Variants in PPP2R2A observed in about 807,000 individuals in gnomAD.
The protein encoded by PPP2R2A is serine/threonine-protein phosphatase 2A 55 kDa regulatory subunit B alpha isoform.
A neutral mutation model predicts 53.2 loss-of-function variants in PPP2R2A; 9 were observed. The observed-to-expected ratio is 0.17, with a 90% confidence interval of 0.10 to 0.30. The LOEUF is 0.30. Among genes scored for constraint, PPP2R2A ranks in the 10% least tolerant of loss-of-function variants. The pLI is 1.00. For missense variants in PPP2R2A, 235 were observed against 534.6 expected (o/e 0.44, Z 5.53); for synonymous variants, 169 against 174.2 (o/e 0.97, Z 0.23).
chr8:26,342,344 A>G (rs1401563084), intron 3 of PPP2R2A, among the ~76,000 whole-genome samples: 6 of 152,222 alleles, frequency 3.9e-5, no homozygotes, highest in Non-Finnish European at 1.5e-5. Flanking sequence ...AGTAAATGAT[A>G]GGGTATATTC....
intron 2 of PPP2R2A, among the ~76,000 whole-genome samples, chr8:26,323,977 A>G (rs961486322): frequency 6.6e-6 from 1 of 152,206 alleles, no homozygotes; most frequent in Non-Finnish European, 1.5e-5. Context: ...GAACCTCTCC[A>G]GTGTCTTATC....
At chr8:26,292,022 G>T in intron 1 of PPP2R2A, 196 bp downstream of exon 1, 7 of 1,215,218 alleles carry the variant, frequency 5.8e-6, no homozygotes, top group Non-Finnish European at 7.4e-6. Flanking sequence ...GAGTCACTGG[G>T]CTTGGAGAAC....
intron 2 of PPP2R2A, among the ~76,000 whole-genome samples, chr8:26,337,079 A>C (rs1585375721): frequency 6.6e-6 from 1 of 152,262 alleles, no homozygotes; most frequent in South Asian, 2.1e-4. Flanking sequence ...AGATAAAATA[A>C]GTAATGGGCA....
rs528225931 is a variant in PPP2R2A at position 26,370,066 on chromosome 8, G to A, written c.1065-68G>A. The A allele has an allele frequency of 1.2e-5, 18 of 1,508,622 alleles. No homozygotes were observed. The highest frequency in any genetic ancestry group is 2.3e-5 in the East Asian group (1 of 43,856). The allele number at this position is 1,508,622 out of a possible 1,614,324, so 93.5% of individuals were successfully genotyped here. ...AGTAGCTTCCTATGGTTTAATTGCC[G>A]AATCATTTTACTTGAAAACAATTTC... On this transcript the variant is annotated intron_variant, in intron 9 of 9. Coordinates refer to ENST00000380737, the MANE Select transcript of PPP2R2A (RefSeq NM_002717.4). The surrounding 1 kb of genome is among the most constrained non-coding windows in gnomAD (Gnocchi z 6.1).
intron 2 of PPP2R2A, among the ~76,000 whole-genome samples, chr8:26,294,813 T>C (rs1801474232): frequency 6.6e-6 from 1 of 152,208 alleles, no homozygotes; most frequent in African/African-American, 2.4e-5. Context: ...TGGTGAATCC[T>C]ATGGCAAGCC....
At chr8:26,331,809 G>T (rs987105416) in intron 2 of PPP2R2A, among the ~76,000 whole-genome samples, 1 of 152,150 alleles carries the variant, frequency 6.6e-6, no homozygotes, top group African/African-American at 2.4e-5. Context: ...CAAACTTCAT[G>T]ATTATCTTAA....
At chr8:26,293,135 C>T (rs763622498) in intron 1 of PPP2R2A, 104 of 1,157,138 alleles carry the variant, frequency 9.0e-5, no homozygotes, top group Non-Finnish European at 1.3e-4. Flanking sequence ...TCCTCTCTGT[C>T]TGGAGCCAGT....
At position 26,360,661 on chromosome 8, in the gene PPP2R2A, T is replaced by A; in HGVS notation, c.460-313T>A. The A allele has an allele frequency of 3.1e-6, 1 of 320,422 alleles. No homozygotes were observed. The highest frequency in any genetic ancestry group is 5.6e-6 in the Non-Finnish European group (1 of 178,686). The allele number at this position is 320,422 out of a possible 1,614,324, so 19.8% of individuals were successfully genotyped here. A position where few individuals can be genotyped will look rare whatever the true frequency, so the allele number is the denominator to read the frequency against. ...CAAGAATTAGATGTTATGGGTTAAT[T>A]TTCTTTTTAGCCTCTTTAATCTGAA... On this transcript the variant is annotated intron_variant, in intron 5 of 9. Coordinates refer to ENST00000380737, the MANE Select transcript of PPP2R2A (RefSeq NM_002717.4). This position sits in a 1 kb window ranked among gnomAD's most constrained non-coding sequence, Gnocchi z 4.5.
At chr8:26,333,934 A>G (rs1803515853) in intron 2 of PPP2R2A, among the ~76,000 whole-genome samples, 2 of 152,224 alleles carry the variant, frequency 1.3e-5, no homozygotes, top group Non-Finnish European at 2.9e-5. Flanking sequence ...TAAGAATTTC[A>G]TTCTGTATAA....
intron 2 of PPP2R2A, among the ~76,000 whole-genome samples, chr8:26,335,891 A>G (rs933485467): frequency 1.3e-5 from 2 of 152,232 alleles, no homozygotes; most frequent in African/African-American, 4.8e-5. Flanking sequence ...TAAAAATGTC[A>G]TCATAAAATA....
chr8:26,361,135 T>C lies in PPP2R2A; in HGVS notation c.621T>C (p.Ile207=), dbSNP rs759265817. 5.8e-5 allele frequency: 93 copies of C among 1,597,556 alleles called. No homozygotes were observed. The highest frequency in any genetic ancestry group is 7.3e-5 in the Non-Finnish European group (86 of 1,175,608). The change falls in exon 6 of 10, where the codon ATT becomes ATC. Residue 207 remains isoleucine, a synonymous_variant. Coordinates refer to ENST00000380737, the MANE Select transcript of PPP2R2A (RefSeq NM_002717.4). ...GGATTAATCTTTGGCATCTGGAAAT[T>C]ACAGACAGGAGTTTTAGTATCCATT... ...DLRINLWHLE[I]TDRSFNIVDI... is the part of the protein sequence containing the mutation.
chr8:26,340,594 T>C (rs528266668), intron 3 of PPP2R2A, among the ~76,000 whole-genome samples: 2 of 152,236 alleles, frequency 1.3e-5, no homozygotes, highest in South Asian at 4.1e-4. Context: ...TCATTGTCAA[T>C]TCTAAAATAC....
chr8:26,318,014 C>G (rs1310119253), intron 2 of PPP2R2A, among the ~76,000 whole-genome samples: 2 of 152,146 alleles, frequency 1.3e-5, no homozygotes, highest in Admixed American at 1.3e-4. Flanking sequence ...TTGTTTAGAA[C>G]TTGGTATTAG....
intron 2 of PPP2R2A, among the ~76,000 whole-genome samples, chr8:26,333,005 A>C (rs2117306746): frequency 6.6e-6 from 1 of 152,336 alleles, no homozygotes; most frequent in South Asian, 2.1e-4. Flanking sequence ...TACATTGAAA[A>C]TGATATGCAT....
At chr8:26,339,174 C>T (rs998200415) in intron 3 of PPP2R2A, among the ~76,000 whole-genome samples, 187 bp downstream of exon 3, 1 of 152,060 alleles carries the variant, frequency 6.6e-6, no homozygotes, top group Non-Finnish European at 1.5e-5. Context: ...TGTACATGAG[C>T]GTATGTTGTT....
chr8:26,354,682 C>CT lies in PPP2R2A; in HGVS notation c.346+49_346+50insT. ...ATGTGCCCACTGTGTGTACCTGTTG[C>CT]ACATATCCTGTAGCCTAGGAGAGGA... On this transcript the variant is annotated intron_variant, in intron 4 of 9. Coordinates refer to ENST00000380737, the MANE Select transcript of PPP2R2A (RefSeq NM_002717.4). The surrounding 1 kb of genome is among the most constrained non-coding windows in gnomAD (Gnocchi z 4.6). 7.2e-7 allele frequency: 1 copy of CT among 1,394,052 alleles called. No individual in the cohort carries two copies. 86.4% of individuals were successfully genotyped at this position (1,394,052 alleles called of 1,614,324 possible).
chr8:26,354,623 G>T lies in PPP2R2A; in HGVS notation c.336G>T (p.Leu112Phe), dbSNP rs779537475. ...AGAAAAATGCTGCTCAGTTTTTATT[G>T]TCTACCAATGGTAAGTATACATATT... ...LPQKNAAQFL[L>F]STNDKTIKLW... Residue 112 changes from leucine to phenylalanine, a missense_variant, in exon 4 of 10, where the codon TTG (leucine) becomes TTT (phenylalanine). Physicochemically the swap from Leu to Phe is conservative, Grantham distance 22 (BLOSUM62 0). Around this residue, in one of 3 missense-constraint regions of PPP2R2A, gnomAD observed 181 missense variants for 409.9 expected, o/e 0.44. Coordinates refer to ENST00000380737, the MANE Select transcript of PPP2R2A (RefSeq NM_002717.4). This position sits in a 1 kb window ranked among gnomAD's most constrained non-coding sequence, Gnocchi z 4.6. The T allele has an allele frequency of 6.2e-7, 1 of 1,605,058 alleles. No individual in the cohort carries two copies. Among genetic ancestry groups the T allele is most frequent in the Non-Finnish European group, 8.5e-7 (1 of 1,175,250 alleles).
At chr8:26,343,065 C>A (rs1368822532) in intron 3 of PPP2R2A, among the ~76,000 whole-genome samples, 2 of 151,916 alleles carry the variant, frequency 1.3e-5, no homozygotes, top group African/African-American at 4.8e-5. Context: ...GTAATCCCAG[C>A]TATGTGACTG....
intron 2 of PPP2R2A, among the ~76,000 whole-genome samples, chr8:26,314,378 C>T (rs1802439291): frequency 6.6e-6 from 1 of 152,196 alleles, no homozygotes; most frequent in African/African-American, 2.4e-5. Flanking sequence ...GATTTTCCTT[C>T]ATCATTATCA....
Sources: gnomAD v4.1 joint callset for allele counts (sites outside exome capture counted in the v4.1 genomes callset) on GRCh38, gnomAD v4.1.1 for gene constraint, gnomAD v4.1.1 regional missense constraint, Gnocchi (gnomAD v3.1) non-coding constraint, MANE v1.5 for transcripts, NCBI Gene and HGNC (gene_info 2026-07-23, HGNC 2026-07-21) for gene names.